ZDHHC22: variants seen among roughly 807,000 people sequenced by gnomAD.
ZDHHC22 encodes palmitoyltransferase ZDHHC22.
A neutral mutation model predicts 17.0 loss-of-function variants in ZDHHC22; 13 were observed. The observed-to-expected ratio is 0.76, with a 90% CI of 0.50 to 1.21. The LOEUF is 1.21. Among genes scored for constraint, ZDHHC22 ranks in the 50% most tolerant of loss-of-function variants. The pLI is 0.00. For synonymous variants in ZDHHC22, 138 were observed against 154.7 expected, an observed-to-expected ratio of 0.89 and a Z score of 0.80; for missense variants, 319 against 342.3, an observed-to-expected ratio of 0.93 and a Z score of 0.54.
chr14:77,135,525 C>T (rs976615867), intron 2 of ZDHHC22, among the ~76,000 whole-genome samples: 6 of 151,964 alleles, frequency 3.9e-5, no homozygotes, highest in African/African-American at 1.2e-4. Flanking sequence ...CTGCCATTTA[C>T]AGCAGCCCCT....
chr14:77,141,174 G>A (rs1396763354), intron 1 of ZDHHC22: 1 of 152,090 alleles, frequency 6.6e-6, no homozygotes, highest in Non-Finnish European at 1.5e-5. Flanking sequence ...GCGCCGCCGG[G>A]GGCTGCGGCG....
At chr14:77,139,133 G>A (rs1256717002) in intron 2 of ZDHHC22, 80 bp downstream of exon 2, 1 of 1,450,984 alleles carries the variant, frequency 6.9e-7, no homozygotes, top group Non-Finnish European at 9.2e-7. Flanking sequence ...CAACTTTTGG[G>A]GTTGGGGTTT....
chr14:77,135,676 G>C (rs897185518), intron 2 of ZDHHC22, among the ~76,000 whole-genome samples: 1 of 152,272 alleles, frequency 6.6e-6, no homozygotes, highest in Non-Finnish European at 1.5e-5. Context: ...GCTCTTTGGC[G>C]TGAGGAATGC....
rs1252140987 is a variant in ZDHHC22, at chr14:77,132,471, T to G, written c.*1212A>C. 2.0e-5 allele frequency: 3 copies of G among 152,248 alleles called. No individual in the cohort carries two copies. In the East Asian group the frequency reaches 5.8e-4, roughly 29 times the overall value. The allele number at this position is 152,248 out of a possible 1,614,324, so 9.4% of individuals were successfully genotyped here. On this transcript the variant is annotated 3_prime_UTR_variant, in exon 3 of 3. Transcript: ENST00000319374. ...AAAGCAAATATCTCACAGGCATCTCTGCAGATCTTGCCTCTGGGTCCAGCA... is the reference window on the plus strand; with the variant it reads ...AAAGCAAATATCTCACAGGCATCTCGGCAGATCTTGCCTCTGGGTCCAGCA...
chr14:77,136,326 A>T (rs1272746724), intron 2 of ZDHHC22, among the ~76,000 whole-genome samples: 1 of 152,226 alleles, frequency 6.6e-6, no homozygotes, highest in Admixed American at 6.5e-5. Flanking sequence ...AAAAATGGAC[A>T]TGATAATATG....
intron 1 of ZDHHC22, 22 bp from the exon 2 acceptor site, chr14:77,139,774 G>A: frequency 2.1e-6 from 3 of 1,457,526 alleles, no homozygotes; most frequent in Non-Finnish European, 2.7e-6. Context: ...GGGGTGAGAA[G>A]AGGACTGACT....
At chr14:77,135,226 C>A (rs1342413900) in intron 2 of ZDHHC22, among the ~76,000 whole-genome samples, 3 of 150,712 alleles carry the variant, frequency 2.0e-5, no homozygotes, top group Non-Finnish European at 4.4e-5. Context: ...CTCCACCTTA[C>A]AACCTATTCT....
upstream of ZDHHC22, chr14:77,142,019 C>T (rs990384363): frequency 2.0e-5 from 3 of 152,472 alleles, no homozygotes; most frequent in African/African-American, 7.2e-5. Flanking sequence ...ATCATCCTGC[C>T]CTTCCCTCTC....
rs1467043192 is a variant in ZDHHC22 at position 77,132,792 on chromosome 14, C to G, written c.*891G>C. ...TGTTTCTAACAACACTTCTCACCAC[C>G]ACCCATCTCTCTCTCTCTCTCTCTC... On this transcript the variant is annotated 3_prime_UTR_variant, in exon 3 of 3. Coordinates refer to ENST00000319374, the MANE Select transcript of ZDHHC22 (RefSeq NM_174976.2). 5.1e-5 allele frequency: 1 copy of G among 19,450 alleles called. No individual in the cohort carries two copies. The highest frequency in any genetic ancestry group is 1.9e-4 in the Non-Finnish European group (1 of 5,312). The allele number at this position is 19,450 out of a possible 1,614,324, so 1.2% of individuals were successfully genotyped here. A position where few individuals can be genotyped will look rare whatever the true frequency, so the allele number is the denominator to read the frequency against.
Position 77,132,602 on chromosome 14 carries a change from C to T in ZDHHC22, c.*1081G>A, listed in dbSNP as rs1416679735. On this transcript the variant is annotated 3_prime_UTR_variant, in exon 3 of 3. Coordinates refer to ENST00000319374, the MANE Select transcript of ZDHHC22 (RefSeq NM_174976.2). ...CCACAGCATGCCTGGCAGACGACTG[C>T]CTAGACTCTGCTGGAATACCTCCAG... is the stretch of plus-strand genomic sequence containing the variant. The T allele has an allele frequency of 6.6e-6, 1 of 152,184 alleles. No individual in the cohort carries two copies. Among genetic ancestry groups the T allele is most frequent in the Admixed American group, 6.5e-5 (1 of 15,276 alleles). The allele number at this position is 152,184 out of a possible 1,614,324, so 9.4% of individuals were successfully genotyped here. A position where few individuals can be genotyped will look rare whatever the true frequency, so the allele number is the denominator to read the frequency against.
At chr14:77,136,060 C>T (rs1887130443) in intron 2 of ZDHHC22, among the ~76,000 whole-genome samples, 1 of 152,234 alleles carries the variant, frequency 6.6e-6, no homozygotes, top group Non-Finnish European at 1.5e-5. Context: ...TCCCAACAGG[C>T]ATCTATAACA....
chr14:77,133,904 G>A lies in ZDHHC22; in HGVS notation c.571C>T (p.Leu191Phe), dbSNP rs548246584. Residue 191 changes from leucine to phenylalanine, a missense_variant, in exon 3 of 3, where the codon CTC becomes TTC. Physicochemically the swap from Leu to Phe is conservative, Grantham distance 22 (BLOSUM62 0). Coordinates refer to ENST00000319374, the MANE Select transcript of ZDHHC22 (RefSeq NM_174976.2). ...CAGGCCAGGCCGATGGCGAACCAGA[G>A]GTAGAGCATGAGGATGACGAACATT... Reference protein sequence around the residue: ...SEMFVILMLYLWFAIGLACAG... With the variant: ...SEMFVILMLYFWFAIGLACAG... 2 of 1,611,138 alleles carry A rather than the reference G, an allele frequency of 1.2e-6. No homozygotes were observed. Among genetic ancestry groups the A allele is most frequent in the South Asian group, 2.2e-5 (2 of 90,670 alleles).
chr14:77,139,207 A>G lies in ZDHHC22; in HGVS notation c.526+6T>C. 6.4e-7 allele frequency: 1 copy of G among 1,566,882 alleles called. No homozygotes were observed. Among genetic ancestry groups the G allele is most frequent in the South Asian group, 1.2e-5 (1 of 85,258 alleles). On this transcript the variant is annotated splice_donor_region_variant and intron_variant, in intron 2 of 2. Transcript: ENST00000319374. ...GAGCCCAACCTGCCCGCCAAGGCCCACTCACCGGAGAAGAACTGGCTGATG... is the reference window on the plus strand; with the variant it reads ...GAGCCCAACCTGCCCGCCAAGGCCCGCTCACCGGAGAAGAACTGGCTGATG...
Position 77,133,860 on chromosome 14 carries a change from G to T in ZDHHC22, c.615C>A (p.His205Gln), listed in dbSNP as rs1216490792. Residue 205 changes from histidine to glutamine, a missense_variant, in exon 3 of 3, where the codon CAC becomes CAA. His to Gln is a conservative substitution (Grantham distance 24). Transcript: ENST00000319374. ...GCCCGCGGAGGATCAACAGCAGCTGGTGGCAGCAGAAGCCGGCGCAGGCCA... is the reference window on the plus strand; with the variant it reads ...GCCCGCGGAGGATCAACAGCAGCTGTTGGCAGCAGAAGCCGGCGCAGGCCA... ...IGLACAGFCC[H>Q]QLLLILRGQT... 6.2e-7 allele frequency: 1 copy of T among 1,613,392 alleles called. No homozygotes were observed. The highest frequency in any genetic ancestry group is 1.1e-5 in the South Asian group (1 of 91,024).
Position 77,133,511 on chromosome 14 carries a change from T to C in ZDHHC22, c.*172A>G, listed in dbSNP as rs1393157508. 8 of 945,716 alleles carry C rather than the reference T, an allele frequency of 8.5e-6. No individual in the cohort carries two copies. Among genetic ancestry groups the C allele is most frequent in the South Asian group, 2.2e-5 (1 of 45,402 alleles). The allele number at this position is 945,716 out of a possible 1,614,324, so 58.6% of individuals were successfully genotyped here. ...ATGCCTGGGGGGACATTTTTCCTCC[T>C]TGTCATGATCCACCAGCTCACGCTG... On this transcript the variant is annotated 3_prime_UTR_variant, in exon 3 of 3. Coordinates refer to ENST00000319374, the MANE Select transcript of ZDHHC22 (RefSeq NM_174976.2).
intron 2 of ZDHHC22, among the ~76,000 whole-genome samples, chr14:77,134,835 G>A (rs560744855): frequency 5.9e-5 from 9 of 152,150 alleles, no homozygotes; most frequent in African/African-American, 7.2e-5. Context: ...GTTGCAGCTC[G>A]TTCATCTGTA....
Position 77,132,809 on chromosome 14 carries a change from C to CTT in ZDHHC22, c.*873_*874insAA, listed in dbSNP as rs1887054461. The CTT allele has an allele frequency of 7.9e-6, 1 of 126,726 alleles. No individual in the cohort carries two copies. Among genetic ancestry groups the CTT allele is most frequent in the African/African-American group, 3.2e-5 (1 of 31,138 alleles). 7.9% of individuals were successfully genotyped at this position (126,726 alleles called of 1,614,324 possible). A position where few individuals can be genotyped will look rare whatever the true frequency, so the allele number is the denominator to read the frequency against. On this transcript the variant is annotated 3_prime_UTR_variant, in exon 3 of 3. Coordinates refer to ENST00000319374, the MANE Select transcript of ZDHHC22 (RefSeq NM_174976.2). ...CTCACCACCACCCATCTCTCTCTCTCTCTCTCTCACACACACACACACACA... is the reference window on the plus strand; with the variant it reads ...CTCACCACCACCCATCTCTCTCTCTCTTTCTCTCTCACACACACACACACACA...
intron 2 of ZDHHC22, among the ~76,000 whole-genome samples, chr14:77,135,192 G>GC (rs1555384237): frequency 3.8e-5 from 1 of 26,292 alleles, no homozygotes; most frequent in East Asian, 1.6e-3. Context: ...TCCTCTGGTG[G>GC]GGGGGGGGCA....
At chr14:77,135,796 T>C (rs1887126124) in intron 2 of ZDHHC22, among the ~76,000 whole-genome samples, 2 of 152,212 alleles carry the variant, frequency 1.3e-5, no homozygotes, top group East Asian at 3.8e-4. Context: ...ATGGAAGCCA[T>C]TTCCCACAGG....
Sources: gnomAD v4.1 joint callset for allele counts (sites outside exome capture counted in the v4.1 genomes callset) on GRCh38, gnomAD v4.1.1 for gene constraint, MANE v1.5 for transcripts, NCBI Gene and HGNC (gene_info 2026-07-23, HGNC 2026-07-21) for gene names.